The following LRRTM3 variants were observed in gnomAD, a reference collection of about 807,000 sequenced individuals.
The protein encoded by LRRTM3 is leucine rich repeat transmembrane neuronal 3.
Under a neutral mutation model 44.7 loss-of-function variants are expected in LRRTM3, and 24 were observed. The observed-to-expected ratio is 0.54, with a 90% CI of 0.39 to 0.76. LRRTM3 has a LOEUF of 0.76. Ranked by LOEUF, LRRTM3 falls within the 30% of genes least tolerant of loss-of-function variation. The probability of loss-of-function intolerance (pLI) is 0.00; values close to 1 mark genes in which losing one functional copy is unlikely to be tolerated. For missense variants in LRRTM3, 587 were observed against 702.2 expected (o/e 0.84, Z 1.85); for synonymous variants, 277 against 278.7 (o/e 0.99, Z 0.06).
chr10:66,941,357 T>A (rs1214138378), intron 2 of LRRTM3, among the ~76,000 whole-genome samples: 1 of 152,230 alleles, frequency 6.6e-6, no homozygotes, highest in African/African-American at 2.4e-5. Flanking sequence ...AGACTTATTA[T>A]CAAGATTTAT....
At chr10:66,980,776 A>G (rs913550445) in intron 2 of LRRTM3, among the ~76,000 whole-genome samples, 1 of 152,206 alleles carries the variant, frequency 6.6e-6, no homozygotes, top group African/African-American at 2.4e-5. Context: ...GACAACCTTC[A>G]TGTACAAGAG....
At chr10:66,956,326 G>C (rs1205259076) in intron 2 of LRRTM3, among the ~76,000 whole-genome samples, 1 of 151,948 alleles carries the variant, frequency 6.6e-6, no homozygotes, top group Non-Finnish European at 1.5e-5. Flanking sequence ...TTTGGGAGCA[G>C]AGGGGATTCT....
intron 2 of LRRTM3, among the ~76,000 whole-genome samples, chr10:66,992,320 T>C (rs1182108870): frequency 6.6e-6 from 1 of 152,154 alleles, no homozygotes; most frequent in African/African-American, 2.4e-5. Flanking sequence ...TGCACTTCTG[T>C]AAATCAACTG....
intron 2 of LRRTM3, among the ~76,000 whole-genome samples, chr10:67,067,677 TAGGTG>T (rs1856177033): frequency 6.6e-6 from 1 of 152,224 alleles, no homozygotes; most frequent in Non-Finnish European, 1.5e-5. Context: ...AACAAGCTCT[TAGGTG>T]ATTCAAAATA....
At chr10:67,067,969 A>AC (rs1321111448) in intron 2 of LRRTM3, among the ~76,000 whole-genome samples, 2 of 152,194 alleles carry the variant, frequency 1.3e-5, no homozygotes, top group Non-Finnish European at 2.9e-5. Flanking sequence ...TCACAGGGAA[A>AC]CCCACATTTA....
At chr10:66,990,461 A>G (rs1294102360) in intron 2 of LRRTM3, among the ~76,000 whole-genome samples, 1 of 152,210 alleles carries the variant, frequency 6.6e-6, no homozygotes, top group Non-Finnish European at 1.5e-5. Flanking sequence ...TCACCATATT[A>G]TTCCAGGGAT....
chr10:66,962,418 G>GT (rs139452994), intron 2 of LRRTM3, among the ~76,000 whole-genome samples: 34,100 of 144,046 alleles, frequency 0.24, 4,295 homozygotes, highest in East Asian at 0.38. Context: ...TTTTGTTTTT[G>GT]TTTTTTTTTT....
chr10:67,029,404 AAG>A (rs1853584742), intron 2 of LRRTM3, among the ~76,000 whole-genome samples: 1 of 152,168 alleles, frequency 6.6e-6, no homozygotes, highest in East Asian at 1.9e-4. Flanking sequence ...AAGACCTATA[AAG>A]AGAGGTTAAA....
intron 2 of LRRTM3, among the ~76,000 whole-genome samples, chr10:67,044,519 T>C (rs1466744543): frequency 3.3e-5 from 5 of 152,180 alleles, no homozygotes; most frequent in African/African-American, 1.2e-4. Flanking sequence ...TCTGGAAAGT[T>C]TCCCAGATTC....
intron 2 of LRRTM3, among the ~76,000 whole-genome samples, chr10:67,041,801 G>T: frequency 6.6e-6 from 1 of 152,064 alleles, no homozygotes; most frequent in East Asian, 1.9e-4. Flanking sequence ...ATTCAGTAAG[G>T]AAAGAATGAC....
chr10:66,964,294 G>A (rs181294220), intron 2 of LRRTM3, among the ~76,000 whole-genome samples: 44 of 144,976 alleles, frequency 3.0e-4, no homozygotes, highest in Middle Eastern at 7.0e-3. Context: ...TTTTTTTTCC[G>A]CATTTCAATC....
intron 2 of LRRTM3, among the ~76,000 whole-genome samples, chr10:67,032,167 A>T (rs967931959): frequency 3.3e-5 from 5 of 152,080 alleles, no homozygotes; most frequent in African/African-American, 1.2e-4. Context: ...AAAATATACA[A>T]CTTGCCCATG....
intron 2 of LRRTM3, among the ~76,000 whole-genome samples, chr10:66,954,384 C>G: frequency 6.6e-6 from 1 of 152,054 alleles, no homozygotes. Flanking sequence ...TCCTCAGTGA[C>G]TGCAGAGGAG....
At position 66,928,693 on chromosome 10, in the gene LRRTM3, GT is replaced by G. The variant is rs1226726738; in HGVS notation, c.1536+244del. On this transcript the variant is annotated intron_variant, in intron 2 of 2. Coordinates refer to ENST00000361320, the MANE Select transcript of LRRTM3 (RefSeq NM_178011.5). ...CAATCAATGTGAAGCTTGAACTCCGGTTTAATATAATACCTATTGTATAAGA... is the reference window on the plus strand; with the variant it reads ...CAATCAATGTGAAGCTTGAACTCCGGTTAATATAATACCTATTGTATAAGA... Among the ~76,000 whole-genome samples, 4 of 152,274 alleles carry G rather than the reference GT, an allele frequency of 2.6e-5. No individual in the cohort carries two copies. In the South Asian group the frequency reaches 6.2e-4, roughly 24 times the overall value.
chr10:67,060,050 T>G (rs1432458697), intron 2 of LRRTM3, among the ~76,000 whole-genome samples: 1 of 152,090 alleles, frequency 6.6e-6, no homozygotes, highest in East Asian at 1.9e-4. Flanking sequence ...ACACAATGAC[T>G]CACACCTGTA....
At chr10:67,093,165 A>G (rs1411626550) in intron 2 of LRRTM3, among the ~76,000 whole-genome samples, 1 of 100,754 alleles carries the variant, frequency 9.9e-6, no homozygotes, top group Admixed American at 8.5e-5. Context: ...TTCTATGGAC[A>G]CTTTAAATAG....
At chr10:66,933,820 T>C (rs1401877631) in intron 2 of LRRTM3, among the ~76,000 whole-genome samples, 1 of 152,186 alleles carries the variant, frequency 6.6e-6, no homozygotes, top group Non-Finnish European at 1.5e-5. Flanking sequence ...CTTCCTCCGC[T>C]GGATGTAGCT....
At chr10:66,947,286 T>A (rs576197806) in intron 2 of LRRTM3, among the ~76,000 whole-genome samples, 60 of 152,318 alleles carry the variant, frequency 3.9e-4, no homozygotes, top group African/African-American at 1.1e-3. Flanking sequence ...ACAGATGCAT[T>A]TCTTGAGTTG....
intron 2 of LRRTM3, among the ~76,000 whole-genome samples, chr10:66,941,809 G>T (rs1848010485): frequency 6.6e-6 from 1 of 152,162 alleles, no homozygotes; most frequent in South Asian, 2.1e-4. Context: ...AATGACAAAA[G>T]AGGTTCTTAT....
Sources: gnomAD v4.1 joint callset for allele counts (sites outside exome capture counted in the v4.1 genomes callset) on GRCh38, gnomAD v4.1.1 for gene constraint, MANE v1.5 for transcripts, NCBI Gene and HGNC (gene_info 2026-07-23, HGNC 2026-07-21) for gene names.